The following LPP variants were observed in gnomAD, a reference collection of about 807,000 sequenced individuals.
LPP encodes the protein LIM domain containing preferred translocation partner in lipoma, also known as lipoma-preferred partner.
A neutral mutation model predicts 60.4 loss-of-function variants in LPP; 38 were observed. That is an observed-to-expected ratio of 0.63 (90% CI 0.49 to 0.83). The LOEUF is 0.83. Ranked by LOEUF, LPP falls within the 40% of genes least tolerant of loss-of-function variation. LPP has a pLI of 0.00. For missense variants in LPP, 902 were observed against 783.6 expected (o/e 1.15, Z -1.80); for synonymous variants, 328 against 290.8 (o/e 1.13, Z -1.30).
chr3:188,598,335 G>A (rs1553938059), intron 6 of LPP, among the ~76,000 whole-genome samples: 1 of 152,060 alleles, frequency 6.6e-6, no homozygotes, highest in South Asian at 2.1e-4. Context: ...CGTACTAGAG[G>A]ACAATAAGCA....
intron 3 of LPP, among the ~76,000 whole-genome samples, chr3:188,370,551 A>G (rs187465527): frequency 1.1e-4 from 17 of 152,330 alleles, no homozygotes; most frequent in Admixed American, 3.9e-4. Context: ...GGTTTTCTGT[A>G]CTGCAATGTG....
chr3:188,736,640 A>AGATG (rs1032587299), intron 8 of LPP, among the ~76,000 whole-genome samples: 24 of 152,012 alleles, frequency 1.6e-4, no homozygotes, highest in Middle Eastern at 3.2e-3. Flanking sequence ...CCAGACAGAT[A>AGATG]GATGGATGGA....
intron 3 of LPP, among the ~76,000 whole-genome samples, chr3:188,377,112 G>A (rs1012231260): frequency 6.6e-6 from 1 of 152,192 alleles, no homozygotes; most frequent in Non-Finnish European, 1.5e-5. Flanking sequence ...TGGGTAACCT[G>A]ACCTTTCTCT....
At chr3:188,512,720 G>C (rs1468589742) in intron 5 of LPP, among the ~76,000 whole-genome samples, 1 of 152,078 alleles carries the variant, frequency 6.6e-6, no homozygotes, top group East Asian at 1.9e-4. Flanking sequence ...TAACATTTAA[G>C]GGGTCAAACA....
At chr3:188,521,303 T>A (rs981405680) in intron 5 of LPP, among the ~76,000 whole-genome samples, 1 of 152,124 alleles carries the variant, frequency 6.6e-6, no homozygotes, top group Admixed American at 6.6e-5. Context: ...CAGTCTGAAC[T>A]TAGAGGGTAG....
intron 6 of LPP, among the ~76,000 whole-genome samples, chr3:188,564,441 C>T (rs1243597650): frequency 6.6e-6 from 1 of 151,956 alleles, no homozygotes; most frequent in Non-Finnish European, 1.5e-5. Context: ...AACTCTCTCC[C>T]CTATCCTTCT....
chr3:188,813,594 C>A (rs1283146362), intron 9 of LPP, among the ~76,000 whole-genome samples: 1 of 152,130 alleles, frequency 6.6e-6, no homozygotes, highest in Non-Finnish European at 1.5e-5. Context: ...GTTCTAGATT[C>A]TCTTGTAGTT....
chr3:188,769,989 A>G (rs960426391), intron 9 of LPP, among the ~76,000 whole-genome samples: 2 of 152,110 alleles, frequency 1.3e-5, no homozygotes, highest in Non-Finnish European at 2.9e-5. Flanking sequence ...GTTTGGATGA[A>G]TGTCAGCATC....
intron 4 of LPP, 71 bp from the exon 5 acceptor site, chr3:188,484,521 C>A: frequency 9.2e-7 from 1 of 1,081,592 alleles, no homozygotes; most frequent in Non-Finnish European, 1.4e-6. Context: ...AGTAAAATGC[C>A]AGCAAATATA....
intron 1 of LPP, among the ~76,000 whole-genome samples, chr3:188,203,354 A>G (rs1287150699): frequency 1.9e-5 from 2 of 106,912 alleles, no homozygotes; most frequent in Non-Finnish European, 3.3e-5. Flanking sequence ...TTAAATATAT[A>G]CATATATTTA....
chr3:188,526,744 T>C (rs36119444), intron 6 of LPP, among the ~76,000 whole-genome samples: 5,356 of 152,202 alleles, frequency 0.035, 180 homozygotes, highest in Non-Finnish European at 0.047. Context: ...AAAAATATAC[T>C]TTGTCCCTGT....
At chr3:188,413,246 G>C (rs1467940085) in intron 4 of LPP, among the ~76,000 whole-genome samples, 1 of 152,128 alleles carries the variant, frequency 6.6e-6, no homozygotes, top group African/African-American at 2.4e-5. Flanking sequence ...CTCATGGTGT[G>C]CTTTTCTGTC....
intron 1 of LPP, among the ~76,000 whole-genome samples, chr3:188,165,113 A>G (rs1560074758): frequency 6.6e-6 from 1 of 152,062 alleles, no homozygotes; most frequent in African/African-American, 2.4e-5. Flanking sequence ...CTCTAAAAAA[A>G]TAAAAATAAA....
chr3:188,444,446 T>C (rs1794743876), intron 4 of LPP, among the ~76,000 whole-genome samples: 1 of 152,166 alleles, frequency 6.6e-6, no homozygotes, highest in Admixed American at 6.6e-5. Context: ...GAAAATACAT[T>C]TGTTATACTT....
chr3:188,574,398 A>G (rs1834150613), intron 6 of LPP, among the ~76,000 whole-genome samples: 1 of 152,134 alleles, frequency 6.6e-6, no homozygotes, highest in Non-Finnish European at 1.5e-5. Flanking sequence ...CTTCATTTTA[A>G]TTTTATCTCC....
chr3:188,786,805 T>C (rs1489825660), intron 9 of LPP, among the ~76,000 whole-genome samples: 1 of 152,194 alleles, frequency 6.6e-6, no homozygotes, highest in African/African-American at 2.4e-5. Flanking sequence ...AAAAGAATTA[T>C]ACTGAGTGGG....
chr3:188,800,175 CTTTTT>C (rs35258838), intron 9 of LPP, among the ~76,000 whole-genome samples: 3 of 115,722 alleles, frequency 2.6e-5, no homozygotes, highest in Non-Finnish European at 5.7e-5. Flanking sequence ...AACATTGTTT[CTTTTT>C]TTTTTTTTTT....
chr3:188,488,420 C>T (rs1807266614), intron 5 of LPP, among the ~76,000 whole-genome samples: 1 of 152,128 alleles, frequency 6.6e-6, no homozygotes, highest in Admixed American at 6.6e-5. Flanking sequence ...GTTTGCTTTT[C>T]TGTCAGGATC....
At chr3:188,153,832 G>C (rs1434682212), upstream of LPP, 1 of 152,086 alleles carries the variant, frequency 6.6e-6, no homozygotes, top group Non-Finnish European at 1.5e-5. Flanking sequence ...CAGCGCTCAG[G>C]GCACCGCACG....
Sources: allele counts gnomAD v4.1 joint callset (sites outside exome capture counted in the v4.1 genomes callset), GRCh38; gene constraint gnomAD v4.1.1; transcripts MANE v1.5; gene names NCBI Gene and HGNC (gene_info 2026-07-23, HGNC 2026-07-21).